Variants in TTC34 observed in about 807,000 individuals in gnomAD.
TTC34 encodes tetratricopeptide repeat protein 34.
In TTC34, 44 loss-of-function variants were observed where a neutral mutation model predicts 40.7. The ratio of observed to expected loss-of-function variants is 1.08; its 90% confidence interval spans 0.85 to 1.39. TTC34 has a LOEUF of 1.39. TTC34 is among the 40% of genes most tolerant of loss of function. The pLI, the probability that TTC34 is intolerant of heterozygous loss-of-function variation, is 0.00. For synonymous variants in TTC34, 422 were observed against 398.6 expected (o/e 1.06, Z -0.70); for missense variants, 884 against 838.0 (o/e 1.05, Z -0.68).
chr1:2,686,594 A>G (rs1640360959), intron 6 of TTC34, among the ~76,000 whole-genome samples: 2 of 148,386 alleles, frequency 1.3e-5, no homozygotes, highest in Admixed American at 1.3e-4. Context: ...CTGGAACAGC[A>G]CACACACCCC....
intron 2 of TTC34, among the ~76,000 whole-genome samples, chr1:2,792,036 A>C (rs1294745221): frequency 3.7e-5 from 1 of 27,360 alleles, no homozygotes; most frequent in East Asian, 8.4e-4. Context: ...TTTTTTTTAA[A>C]GACAGGGTCT....
chr1:2,749,091 A>G (rs1641235726), intron 6 of TTC34, among the ~76,000 whole-genome samples: 2 of 132,496 alleles, frequency 1.5e-5, no homozygotes, highest in Non-Finnish European at 3.1e-5. Flanking sequence ...ACCCCAGGCG[A>G]GCATCCGACA....
intron 6 of TTC34, among the ~76,000 whole-genome samples, chr1:2,767,761 C>A (rs968858520): frequency 2.0e-5 from 3 of 148,608 alleles, no homozygotes; most frequent in Non-Finnish European, 1.5e-5. Flanking sequence ...AAGCAGCACC[C>A]TGCACCCCCA....
At chr1:2,777,711 C>T (rs1351415228) in intron 6 of TTC34, among the ~76,000 whole-genome samples, 1 of 150,852 alleles carries the variant, frequency 6.6e-6, no homozygotes, top group African/African-American at 2.4e-5. Context: ...GCAGCATCAG[C>T]CCATATCCTG....
intron 6 of TTC34, among the ~76,000 whole-genome samples, chr1:2,759,652 T>A (rs1641627073): frequency 1.6e-3 from 238 of 147,582 alleles, no homozygotes; most frequent in Admixed American, 2.2e-3. Context: ...CAGGTGAGCA[T>A]TCGACAGCCT....
chr1:2,698,615 C>G lies in TTC34; in HGVS notation c.2227-53052G>C, dbSNP rs868196920. ...CTGGAACAGCACCCACACTCCCAGA[C>G]GAGCATCGGACAGCCTGGAACAGCA... On this transcript the variant is annotated intron_variant, in intron 6 of 8. Coordinates refer to ENST00000401095, the Ensembl canonical transcript of TTC34. Among the ~76,000 whole-genome samples, 265 of 34,054 alleles carry G rather than the reference C, an allele frequency of 7.8e-3. 56 individuals are homozygous for G. The highest frequency in any genetic ancestry group is 9.0e-3 in the Non-Finnish European group (167 of 18,642). The allele number at this position is 34,054 out of a possible 152,430, so 22.3% of individuals were successfully genotyped here. A position where few individuals can be genotyped will look rare whatever the true frequency, so the allele number is the denominator to read the frequency against.
At chr1:2,685,749 G>GC (rs1640306807) in intron 6 of TTC34, among the ~76,000 whole-genome samples, 1 of 139,664 alleles carries the variant, frequency 7.2e-6, no homozygotes, top group African/African-American at 2.8e-5. Flanking sequence ...GTCTGGAGCA[G>GC]AACCCACACC....
chr1:2,755,906 C>A (rs1466114874), intron 6 of TTC34, among the ~76,000 whole-genome samples: 2 of 83,536 alleles, frequency 2.4e-5, no homozygotes, highest in East Asian at 3.7e-4. Context: ...ACCCACACCC[C>A]CAGGTGAGCA....
At chr1:2,672,395 C>T (rs1340408649) in intron 6 of TTC34, among the ~76,000 whole-genome samples, 1 of 148,776 alleles carries the variant, frequency 6.7e-6, no homozygotes, top group Admixed American at 6.8e-5. Flanking sequence ...CACCCACAAC[C>T]CCAAGTGAGC....
chr1:2,775,795 A>G (rs1375485349), intron 6 of TTC34, among the ~76,000 whole-genome samples: 1 of 146,468 alleles, frequency 6.8e-6, no homozygotes, highest in African/African-American at 2.7e-5. Context: ...TCGAATCTTC[A>G]GGTGAGCATC....
At chr1:2,688,439 AGG>A (rs1640473877) in intron 6 of TTC34, among the ~76,000 whole-genome samples, 1 of 146,984 alleles carries the variant, frequency 6.8e-6, no homozygotes, top group African/African-American at 2.6e-5. Context: ...AGCCTGGAGC[AGG>A]ACCCACACCC....
chr1:2,749,455 C>T (rs1641246017), intron 6 of TTC34, among the ~76,000 whole-genome samples: 1 of 101,288 alleles, frequency 9.9e-6, no homozygotes, highest in African/African-American at 4.4e-5. Context: ...CCCAGGTGAG[C>T]ATCTGACGGC....
intron 6 of TTC34, among the ~76,000 whole-genome samples, chr1:2,653,628 C>A (rs1570756726): frequency 1.5e-5 from 2 of 133,604 alleles, no homozygotes; most frequent in Non-Finnish European, 3.2e-5. Context: ...GAGCATCTGA[C>A]AGCCTGGAGC....
intron 6 of TTC34, among the ~76,000 whole-genome samples, chr1:2,683,350 A>T (rs1640164220): frequency 4.3e-5 from 6 of 139,404 alleles, no homozygotes; most frequent in Non-Finnish European, 7.7e-5. Flanking sequence ...ACCACCCTGC[A>T]CCCCCAGGTG....
intron 7 of TTC34, 114 bp from the exon 8 acceptor site, chr1:2,644,592 G>A: frequency 9.0e-7 from 1 of 1,109,886 alleles, no homozygotes; most frequent in Non-Finnish European, 1.3e-6. Context: ...GGGAGCTGAT[G>A]ATGGCTCAGC....
intron 6 of TTC34, among the ~76,000 whole-genome samples, chr1:2,695,987 A>T (rs540789123): frequency 2.8e-5 from 1 of 35,410 alleles, no homozygotes; most frequent in Admixed American, 2.7e-4. Flanking sequence ...CCTGGAACAG[A>T]ACCCACACCC....
intron 6 of TTC34, among the ~76,000 whole-genome samples, chr1:2,688,551 C>A (rs1414728437): frequency 2.2e-5 from 3 of 135,152 alleles, no homozygotes; most frequent in Non-Finnish European, 4.6e-5. Flanking sequence ...GCACCTGAAC[C>A]CACGGAGCAG....
intron 6 of TTC34, among the ~76,000 whole-genome samples, chr1:2,687,907 G>C (rs1475472721): frequency 6.6e-6 from 1 of 152,112 alleles, no homozygotes; most frequent in African/African-American, 2.4e-5. Flanking sequence ...GCATCTGACA[G>C]ACTGGAACAG....
At chr1:2,642,460 A>G (rs550308567) in intron 8 of TTC34, among the ~76,000 whole-genome samples, 70 of 152,208 alleles carry the variant, frequency 4.6e-4, no homozygotes, top group African/African-American at 1.6e-3. Context: ...TGCTGGACGG[A>G]GGGCACAGCC....
Sources: allele counts gnomAD v4.1 joint callset (sites outside exome capture counted in the v4.1 genomes callset), GRCh38; gene constraint gnomAD v4.1.1; transcripts MANE v1.5; gene names NCBI Gene and HGNC (gene_info 2026-07-23, HGNC 2026-07-21).